Variants in MYRIP observed in about 807,000 individuals in gnomAD.
MYRIP encodes myosin VIIA and Rab interacting protein.
MYRIP carries 49 observed loss-of-function variants against 98.0 expected under a neutral mutation model. The ratio of observed to expected loss-of-function variants is 0.50; its 90% CI spans 0.40 to 0.63. The LOEUF (loss-of-function observed/expected upper bound fraction) is 0.63, where lower values mean the gene tolerates loss of function less well. Ranked by LOEUF, MYRIP falls within the 30% of genes least tolerant of loss-of-function variation. MYRIP has a pLI of 0.00. For synonymous variants in MYRIP, 404 were observed against 409.5 expected, an observed-to-expected ratio of 0.99 and a Z score of 0.16; for missense variants, 1,004 against 1,058.2, an observed-to-expected ratio of 0.95 and a Z score of 0.71.
At chr3:39,909,616 G>A (rs1223597351) in intron 2 of MYRIP, among the ~76,000 whole-genome samples, 1 of 152,172 alleles carries the variant, frequency 6.6e-6, no homozygotes, top group Non-Finnish European at 1.5e-5. Flanking sequence ...GGAGAGGTGT[G>A]TTTGATTTGA....
At chr3:39,849,551 G>A (rs963382280) in intron 1 of MYRIP, among the ~76,000 whole-genome samples, 1 of 152,170 alleles carries the variant, frequency 6.6e-6, no homozygotes, top group Admixed American at 6.5e-5. Flanking sequence ...GTAGCTACAG[G>A]CATGTCATGG....
At chr3:39,897,229 G>A (rs993371581) in intron 1 of MYRIP, among the ~76,000 whole-genome samples, 32 of 152,170 alleles carry the variant, frequency 2.1e-4, no homozygotes, top group African/African-American at 7.5e-4. Flanking sequence ...GAAACACAGA[G>A]TTAAGCAAAG....
chr3:39,946,352 C>A (rs576995435), intron 2 of MYRIP, among the ~76,000 whole-genome samples: 1 of 152,092 alleles, frequency 6.6e-6, no homozygotes, highest in African/African-American at 2.4e-5. Flanking sequence ...ACCCTCTAAC[C>A]TGGTGTATGC....
At chr3:40,130,942 C>T (rs1453023056) in intron 3 of MYRIP, among the ~76,000 whole-genome samples, 1 of 152,138 alleles carries the variant, frequency 6.6e-6, no homozygotes, top group East Asian at 1.9e-4. Context: ...ACTGTGAGCT[C>T]ACTGGGGTAG....
chr3:40,047,621 G>A (rs538986904), intron 3 of MYRIP, among the ~76,000 whole-genome samples: 1 of 152,278 alleles, frequency 6.6e-6, no homozygotes, highest in Non-Finnish European at 1.5e-5. Flanking sequence ...CCAAAGGGAT[G>A]GAGAAATTTT....
chr3:40,210,136 A>G, intron 11 of MYRIP, 43 bp downstream of exon 11: 3 of 1,596,878 alleles, frequency 1.9e-6, no homozygotes, highest in Non-Finnish European at 2.6e-6. Flanking sequence ...AAGCTTCTGC[A>G]GTGGGGTGTT....
rs1374806620 is a variant in MYRIP at position 40,260,160 on chromosome 3, A to G, written c.*1994A>G. The G allele has an allele frequency of 6.6e-6, 1 of 152,456 alleles. No individual in the cohort carries two copies. The highest frequency in any genetic ancestry group is 1.9e-4 in the East Asian group (1 of 5,206). 9.4% of individuals were successfully genotyped at this position (152,456 alleles called of 1,614,324 possible). On this transcript the variant is annotated 3_prime_UTR_variant, in exon 17 of 17. Coordinates refer to ENST00000302541, the MANE Select transcript of MYRIP (RefSeq NM_015460.4). ...TAGTGTCAATATTTATATTTAGATT[A>G]ATTTTTATAAATGAAAATATTTTAA...
chr3:39,868,926 A>T (rs528119590), intron 1 of MYRIP, among the ~76,000 whole-genome samples: 11 of 152,192 alleles, frequency 7.2e-5, no homozygotes, highest in Non-Finnish European at 1.6e-4. Flanking sequence ...AACTTTATTG[A>T]GGATCACTTG....
chr3:40,162,376 G>T (rs1950414354), intron 4 of MYRIP, among the ~76,000 whole-genome samples: 3 of 152,240 alleles, frequency 2.0e-5, no homozygotes, highest in South Asian at 2.1e-4. Flanking sequence ...AATTCCAGAT[G>T]CAGCCATGCC....
At chr3:40,201,308 T>C (rs914212434) in intron 10 of MYRIP, among the ~76,000 whole-genome samples, 3 of 152,062 alleles carry the variant, frequency 2.0e-5, no homozygotes, top group East Asian at 1.9e-4. Context: ...TTCCATCAGA[T>C]AGGAGATTAG....
At chr3:39,971,589 T>C (rs1490424994) in intron 2 of MYRIP, among the ~76,000 whole-genome samples, 2 of 152,046 alleles carry the variant, frequency 1.3e-5, no homozygotes, top group East Asian at 3.8e-4. Context: ...AATCTGTACC[T>C]TCAAGGTCCT....
intron 1 of MYRIP, among the ~76,000 whole-genome samples, chr3:39,861,806 G>C (rs1942481122): frequency 6.6e-6 from 1 of 152,020 alleles, no homozygotes; most frequent in Non-Finnish European, 1.5e-5. Flanking sequence ...AAACAATAAA[G>C]AAAAATGAAC....
Position 40,078,444 on chromosome 3 carries a change from C to T in MYRIP, c.332+34173C>T, listed in dbSNP as rs527398963. Among the ~76,000 whole-genome samples, 6 of 152,332 alleles carry T rather than the reference C, an allele frequency of 3.9e-5. No homozygotes were observed. The East Asian group carries it at 7.7e-4, about 20-fold the overall frequency. On this transcript the variant is annotated intron_variant, in intron 3 of 16. Coordinates refer to ENST00000302541, the MANE Select transcript of MYRIP (RefSeq NM_015460.4). ...AGGCAGAGGAGGCACCTAGAGCAAG[C>T]GAGGGCTGTGAGGACTGCCAGCACG...
At chr3:40,028,072 C>T (rs1559370415) in intron 2 of MYRIP, among the ~76,000 whole-genome samples, 1 of 152,128 alleles carries the variant, frequency 6.6e-6, no homozygotes, top group Non-Finnish European at 1.5e-5. Flanking sequence ...CATGCCATCA[C>T]TTCCTGCTAC....
At chr3:39,983,056 G>A (rs4676546) in intron 2 of MYRIP, among the ~76,000 whole-genome samples, 41,876 of 152,068 alleles carry the variant, frequency 0.28, 6,439 homozygotes, top group Non-Finnish European at 0.35. Flanking sequence ...AAACTTCTTC[G>A]GAAATCTTTT....
intron 1 of MYRIP, among the ~76,000 whole-genome samples, chr3:39,841,818 T>A (rs1409272871): frequency 2.0e-5 from 3 of 152,200 alleles, no homozygotes; most frequent in African/African-American, 7.2e-5. Context: ...CTGCTTCTTC[T>A]TCCTCTGGAA....
At chr3:39,843,134 C>T (rs1941853089) in intron 1 of MYRIP, among the ~76,000 whole-genome samples, 1 of 152,136 alleles carries the variant, frequency 6.6e-6, no homozygotes, top group Non-Finnish European at 1.5e-5. Flanking sequence ...TTTCTTATTA[C>T]CTAAAGCAGT....
At chr3:40,063,311 G>A (rs1948056847) in intron 3 of MYRIP, among the ~76,000 whole-genome samples, 1 of 152,166 alleles carries the variant, frequency 6.6e-6, no homozygotes, top group Admixed American at 6.6e-5. Flanking sequence ...TGGATAGTAG[G>A]GGAATAGTAT....
Position 40,182,246 on chromosome 3 carries a change from T to C in MYRIP, c.900T>C (p.Thr300=). 1 of 1,613,058 alleles carries C rather than the reference T, an allele frequency of 6.2e-7. No individual in the cohort carries two copies. Among genetic ancestry groups the C allele is most frequent in the Non-Finnish European group, 8.5e-7 (1 of 1,179,564 alleles). ...GGTCCCAGTCTGCCTTCTCAATCAC[T>C]GGAGAAGAAGCCCTGAAGACCCCTC... ...LWRSQSAFSI[T]GEEALKTPPV... Residue 300 remains threonine (T), a synonymous_variant, in exon 9 of 17, where the codon ACT becomes ACC. Coordinates refer to ENST00000302541, the MANE Select transcript of MYRIP (RefSeq NM_015460.4).
Sources: gnomAD v4.1 joint callset for allele counts (sites outside exome capture counted in the v4.1 genomes callset) on GRCh38, gnomAD v4.1.1 for gene constraint, MANE v1.5 for transcripts, NCBI Gene and HGNC (gene_info 2026-07-23, HGNC 2026-07-21) for gene names.